ADORA2B: variants seen among roughly 807,000 people sequenced by gnomAD.
The protein encoded by ADORA2B is adenosine receptor A2b.
ADORA2B carries 18 observed loss-of-function variants against 20.8 expected under a neutral mutation model. The ratio of observed to expected loss-of-function variants is 0.87; its 90% CI spans 0.60 to 1.29. The LOEUF (loss-of-function observed/expected upper bound fraction) is 1.29, where lower values mean the gene tolerates loss of function less well. Ranked by LOEUF, ADORA2B falls within the 50% of genes most tolerant of loss-of-function variation. The pLI is 0.00. For synonymous variants in ADORA2B, 179 were observed against 178.3 expected (o/e 1.00, Z -0.03); for missense variants, 441 against 422.7 (o/e 1.04, Z -0.38).
At chr17:15,892,914 G>C in the ADORA2B span, among the ~76,000 whole-genome samples, 3 of 152,130 alleles carry the variant, frequency 2.0e-5, no homozygotes, top group Non-Finnish European at 4.4e-5. Flanking sequence ...CAAGGCAAGC[G>C]AAAGCATCTT....
the ADORA2B span, among the ~76,000 whole-genome samples, chr17:15,899,240 A>G: frequency 6.6e-6 from 1 of 152,112 alleles, no homozygotes; most frequent in Admixed American, 6.6e-5. Context: ...AAAAAAAAAA[A>G]GAAAAATAAT....
the ADORA2B span, among the ~76,000 whole-genome samples, chr17:15,896,720 C>T: frequency 6.6e-6 from 1 of 152,198 alleles, no homozygotes; most frequent in Non-Finnish European, 1.5e-5. Context: ...TGTCCCCATA[C>T]TTGTTCCTGT....
At chr17:15,868,334 TC>T in the ADORA2B span, among the ~76,000 whole-genome samples, 1 of 130,268 alleles carries the variant, frequency 7.7e-6, no homozygotes, top group Non-Finnish European at 1.7e-5. Context: ...CCCTGCCAAA[TC>T]CCCCTCTGCG....
the ADORA2B span, among the ~76,000 whole-genome samples, chr17:15,927,642 C>T: frequency 1.3e-5 from 2 of 152,082 alleles, no homozygotes; most frequent in South Asian, 2.1e-4. Context: ...AGCAAGACTC[C>T]GTCTCAAAAA....
the ADORA2B span, among the ~76,000 whole-genome samples, chr17:15,891,827 G>A: frequency 4.7e-5 from 7 of 149,146 alleles, no homozygotes; most frequent in Admixed American, 2.0e-4. Flanking sequence ...GATTACAGGC[G>A]TGCGCCACAA....
the ADORA2B span, among the ~76,000 whole-genome samples, chr17:15,890,964 G>A: frequency 6.6e-6 from 1 of 152,188 alleles, no homozygotes; most frequent in African/African-American, 2.4e-5. Context: ...TGGAACAGAG[G>A]TACTAAAATT....
the ADORA2B span, among the ~76,000 whole-genome samples, chr17:15,888,839 TATATATATA>T: frequency 2.8e-4 from 6 of 21,524 alleles, no homozygotes; most frequent in East Asian, 3.0e-3. Flanking sequence ...TATATATATA[TATATATATA>T]TATTTTTTTT....
the ADORA2B span, among the ~76,000 whole-genome samples, chr17:15,898,561 G>T: frequency 1.3e-5 from 2 of 151,566 alleles, no homozygotes; most frequent in Non-Finnish European, 2.9e-5. Flanking sequence ...TGGAGATGGG[G>T]TTTCACCATG....
At chr17:15,926,164 C>G in the ADORA2B span, among the ~76,000 whole-genome samples, 1 of 152,102 alleles carries the variant, frequency 6.6e-6, no homozygotes, top group East Asian at 1.9e-4. Context: ...TGAGCAGCCC[C>G]AAGATTCCTC....
chr17:15,850,394 T>A, the ADORA2B span: 10 of 152,120 alleles, frequency 6.6e-5, 1 homozygote, highest in African/African-American at 2.4e-4. Context: ...CTCAGCTAAC[T>A]CCTCCTCCCC....
the ADORA2B span, among the ~76,000 whole-genome samples, chr17:15,898,885 A>T: frequency 6.6e-6 from 1 of 152,180 alleles, no homozygotes; most frequent in Non-Finnish European, 1.5e-5. Context: ...AACGAAATAG[A>T]AATTTCCTAC....
At chr17:15,910,607 T>C in the ADORA2B span, among the ~76,000 whole-genome samples, 1 of 152,210 alleles carries the variant, frequency 6.6e-6, no homozygotes, top group Non-Finnish European at 1.5e-5. Flanking sequence ...CCTACAAATA[T>C]GTAATCTTTT....
chr17:15,865,789 T>C, the ADORA2B span, among the ~76,000 whole-genome samples: 1 of 152,002 alleles, frequency 6.6e-6, no homozygotes, highest in Non-Finnish European at 1.5e-5. Flanking sequence ...TTGAATTTTA[T>C]TATAAATGGA....
the ADORA2B span, among the ~76,000 whole-genome samples, chr17:15,860,193 C>A: frequency 1.3e-5 from 2 of 152,146 alleles, no homozygotes; most frequent in Non-Finnish European, 1.5e-5. Flanking sequence ...TTAAAAGGGA[C>A]AGGAATTGCT....
the ADORA2B span, among the ~76,000 whole-genome samples, chr17:15,853,685 G>T: frequency 1.3e-5 from 2 of 152,108 alleles, no homozygotes; most frequent in Non-Finnish European, 2.9e-5. Context: ...ATGCCAGGAG[G>T]CCCAGATGGT....
At chr17:15,856,666 G>A in the ADORA2B span, among the ~76,000 whole-genome samples, 1 of 152,200 alleles carries the variant, frequency 6.6e-6, no homozygotes, top group Non-Finnish European at 1.5e-5. Flanking sequence ...TCTCAGATGG[G>A]GATGAGGAAC....
At chr17:15,910,549 TCGGCC>T in the ADORA2B span, among the ~76,000 whole-genome samples, 1 of 152,312 alleles carries the variant, frequency 6.6e-6, no homozygotes, top group East Asian at 1.9e-4. Flanking sequence ...TTCACCCGCC[TCGGCC>T]TCCCAAAGTG....
In ADORA2B at chr17:15,975,391, AAG is replaced by A; in HGVS notation, c.*52_*53del. ...AGAAGATACAAATCCACAAGAAACA[AAG>A]AGGACACGGCTGGTTTTCATTGTGA... On this transcript the variant is annotated 3_prime_UTR_variant, in exon 2 of 2. Coordinates refer to ENST00000304222, the MANE Select transcript of ADORA2B (RefSeq NM_000676.4). 2.6e-6 allele frequency: 4 copies of A among 1,558,744 alleles called. No homozygotes were observed. Among genetic ancestry groups the A allele is most frequent in the Non-Finnish European group, 3.5e-6 (4 of 1,150,820 alleles).
Position 15,945,267 on chromosome 17 carries a change from G to T in ADORA2B, c.19G>T (p.Asp7Tyr). Residue 7 changes from aspartate (D) to tyrosine (Y), a missense_variant, in exon 1 of 2, where the codon GAC (aspartate) becomes TAC (tyrosine). Transcript: ENST00000304222. ...CCCGGCCATGCTGCTGGAGACACAG[G>T]ACGCGCTGTACGTGGCGCTGGAGCT... MLLETQ[D>Y]ALYVALELVI... 2 of 1,497,592 alleles carry T rather than the reference G, an allele frequency of 1.3e-6. No individual in the cohort carries two copies. Among genetic ancestry groups the T allele is most frequent in the South Asian group, 1.3e-5 (1 of 77,140 alleles). The allele number at this position is 1,497,592 out of a possible 1,614,324, so 92.8% of individuals were successfully genotyped here.
Sources: gnomAD v4.1 joint callset for allele counts (sites outside exome capture counted in the v4.1 genomes callset) on GRCh38, gnomAD v4.1.1 for gene constraint, MANE v1.5 for transcripts, NCBI Gene and HGNC (gene_info 2026-07-23, HGNC 2026-07-21) for gene names.